The following SGCZ variants were observed in gnomAD, a reference collection of about 807,000 sequenced individuals.
SGCZ encodes zeta-sarcoglycan.
Under a neutral mutation model 41.3 loss-of-function variants are expected in SGCZ, and 40 were observed. That is an observed-to-expected ratio of 0.97 (90% CI 0.75 to 1.26). SGCZ has a LOEUF of 1.26. Among genes scored for constraint, SGCZ ranks in the 50% most tolerant of loss-of-function variants. The pLI, the probability that SGCZ is intolerant of heterozygous loss-of-function variation, is 0.00. For missense variants in SGCZ, 552 were observed against 369.8 expected (o/e 1.49, Z -4.04); for synonymous variants, 206 against 137.5 (o/e 1.50, Z -3.49).
chr8:14,370,513 G>C (rs2117159635), intron 2 of SGCZ, among the ~76,000 whole-genome samples: 1 of 151,972 alleles, frequency 6.6e-6, no homozygotes, highest in South Asian at 2.1e-4. Flanking sequence ...TCCAATCACA[G>C]TAACACAACT....
intron 1 of SGCZ, among the ~76,000 whole-genome samples, chr8:15,012,385 C>T (rs527282871): frequency 1.4e-3 from 216 of 150,354 alleles, no homozygotes; most frequent in Non-Finnish European, 2.3e-3. Flanking sequence ...ATCACTTGAC[C>T]CCAGGAGGTT....
intron 2 of SGCZ, among the ~76,000 whole-genome samples, chr8:14,422,694 C>A (rs1799667442): frequency 6.6e-6 from 1 of 152,170 alleles, no homozygotes; most frequent in South Asian, 2.1e-4. Context: ...GATGAGCTAG[C>A]ATAGTTTTTA....
intron 2 of SGCZ, among the ~76,000 whole-genome samples, chr8:14,484,179 T>C (rs1435196915): frequency 6.6e-6 from 1 of 152,200 alleles, no homozygotes; most frequent in African/African-American, 2.4e-5. Context: ...ATTATGAAAC[T>C]AGCTATACAA....
chr8:14,680,448 C>A (rs1468901329), intron 1 of SGCZ, among the ~76,000 whole-genome samples: 1 of 151,980 alleles, frequency 6.6e-6, no homozygotes, highest in Non-Finnish European at 1.5e-5. Context: ...TGCATGGTGG[C>A]AATATATGAT....
chr8:14,406,786 A>T (rs537346571), intron 2 of SGCZ, among the ~76,000 whole-genome samples: 5 of 152,152 alleles, frequency 3.3e-5, no homozygotes, highest in Non-Finnish European at 7.3e-5. Flanking sequence ...CCACCCTTTA[A>T]TTTGAAAATA....
chr8:15,014,833 A>G (rs1310040689), intron 1 of SGCZ, among the ~76,000 whole-genome samples: 1 of 152,160 alleles, frequency 6.6e-6, no homozygotes, highest in East Asian at 1.9e-4. Flanking sequence ...TATACAAGTG[A>G]GCAGCTGAAG....
intron 2 of SGCZ, among the ~76,000 whole-genome samples, chr8:14,437,824 A>C (rs1421492660): frequency 6.6e-6 from 1 of 151,826 alleles, no homozygotes; most frequent in Non-Finnish European, 1.5e-5. Context: ...TTTAATAAAA[A>C]TTTATAATTT....
intron 4 of SGCZ, among the ~76,000 whole-genome samples, chr8:14,189,754 G>A (rs138063346): frequency 2.7e-4 from 41 of 152,036 alleles, no homozygotes; most frequent in African/African-American, 9.6e-4. Flanking sequence ...ACTTTAACCT[G>A]CTTTGTCTTA....
At chr8:15,089,969 G>C (rs775940261) in intron 1 of SGCZ, among the ~76,000 whole-genome samples, 1 of 152,106 alleles carries the variant, frequency 6.6e-6, no homozygotes, top group Non-Finnish European at 1.5e-5. Flanking sequence ...GAGATAATAC[G>C]GTTATCAGAT....
intron 1 of SGCZ, among the ~76,000 whole-genome samples, chr8:14,964,480 A>T (rs1489833210): frequency 6.6e-6 from 1 of 152,160 alleles, no homozygotes; most frequent in Non-Finnish European, 1.5e-5. Context: ...TACCTCTAAA[A>T]CAAAAAGATT....
At chr8:14,252,948 G>A (rs1474964903) in intron 3 of SGCZ, among the ~76,000 whole-genome samples, 1 of 152,020 alleles carries the variant, frequency 6.6e-6, no homozygotes, top group Non-Finnish European at 1.5e-5. Flanking sequence ...GTAACTTAAG[G>A]CATAGCTAGG....
chr8:14,381,902 T>A (rs1410541183), intron 2 of SGCZ, among the ~76,000 whole-genome samples: 1 of 152,230 alleles, frequency 6.6e-6, no homozygotes, highest in African/African-American at 2.4e-5. Context: ...GCTTCTATTT[T>A]TCTGCTATGA....
chr8:14,684,167 C>T (rs954685419), intron 1 of SGCZ, among the ~76,000 whole-genome samples: 2 of 152,118 alleles, frequency 1.3e-5, no homozygotes, highest in Non-Finnish European at 2.9e-5. Context: ...TCATTTCTAA[C>T]TAAATGAACG....
intron 1 of SGCZ, among the ~76,000 whole-genome samples, chr8:14,797,107 T>C (rs1206125653): frequency 6.6e-6 from 1 of 152,094 alleles, no homozygotes; most frequent in Non-Finnish European, 1.5e-5. Flanking sequence ...GGTGCTGCTA[T>C]AAGGATACCT....
chr8:14,337,772 A>C (rs1205869326), intron 2 of SGCZ, among the ~76,000 whole-genome samples: 1 of 152,162 alleles, frequency 6.6e-6, no homozygotes, highest in African/African-American at 2.4e-5. Flanking sequence ...CAAGAAGTCC[A>C]GTGGTACCTC....
chr8:15,042,524 C>A (rs1431822135), intron 1 of SGCZ, among the ~76,000 whole-genome samples: 1 of 152,126 alleles, frequency 6.6e-6, no homozygotes, highest in Non-Finnish European at 1.5e-5. Context: ...TCAAAGGTGA[C>A]CTAAAACAAA....
chr8:14,164,802 T>C, intron 4 of SGCZ, 100 bp from the exon 5 acceptor site: 1 of 1,356,736 alleles, frequency 7.4e-7, no homozygotes, highest in Non-Finnish European at 1.0e-6. Flanking sequence ...TTATTTAATT[T>C]GTTTATCTCT....
intron 1 of SGCZ, among the ~76,000 whole-genome samples, chr8:14,790,067 A>T (rs1800898366): frequency 1.3e-5 from 2 of 152,344 alleles, no homozygotes; most frequent in South Asian, 4.1e-4. Context: ...TGCCTTAGAA[A>T]AAAATACTGT....
intron 1 of SGCZ, among the ~76,000 whole-genome samples, chr8:14,624,555 A>ATTATTATTATTTTTTTT (rs1438250019): frequency 3.1e-5 from 3 of 96,244 alleles, no homozygotes; most frequent in Non-Finnish European, 5.9e-5. Flanking sequence ...TATTATTATT[A>ATTATTATTATTTTTTTT]TTTTTTTTTT....
Sources: allele counts gnomAD v4.1 joint callset (sites outside exome capture counted in the v4.1 genomes callset), GRCh38; gene constraint gnomAD v4.1.1; transcripts MANE v1.5; gene names NCBI Gene and HGNC (gene_info 2026-07-23, HGNC 2026-07-21).